The following CDKL1 variants were observed in gnomAD, a reference collection of about 807,000 sequenced individuals.
The protein encoded by CDKL1 is cyclin dependent kinase like 1.
In CDKL1, 41 loss-of-function variants were observed where a neutral mutation model predicts 42.0. The observed-to-expected ratio is 0.98, with a 90% CI of 0.76 to 1.27. The LOEUF (loss-of-function observed/expected upper bound fraction) is 1.27, where lower values mean the gene tolerates loss of function less well. Ranked by LOEUF, CDKL1 falls within the 50% of genes most tolerant of loss-of-function variation. The probability of loss-of-function intolerance (pLI) is 0.00; values close to 1 mark genes in which losing one functional copy is unlikely to be tolerated. For synonymous variants in CDKL1, 153 were observed against 158.6 expected, an observed-to-expected ratio of 0.96 and a Z score of 0.26; for missense variants, 394 against 428.4, an observed-to-expected ratio of 0.92 and a Z score of 0.71.
intron 3 of CDKL1, chr14:50,358,112 C>T (rs766214220): frequency 2.2e-6 from 3 of 1,360,400 alleles, no homozygotes; most frequent in Non-Finnish European, 2.9e-6. Context: ...CTCACCAAGT[C>T]TTCTTCCAGT....
At chr14:50,330,353 CT>C in intron 9 of CDKL1, 172 bp from the exon 10 acceptor site, 1 of 734,266 alleles carries the variant, frequency 1.4e-6, no homozygotes, top group Non-Finnish European at 2.0e-6. Flanking sequence ...TTGGCTTTTC[CT>C]TTTAAATGTT....
chr14:50,344,928 G>T lies in CDKL1; in HGVS notation c.363+58C>A, dbSNP rs562425224. 5.6e-5 allele frequency: 77 copies of T among 1,368,428 alleles called. 1 individual carries two copies. In the Admixed American group the frequency reaches 1.3e-3, roughly 24 times the overall value. The allele number at this position is 1,368,428 out of a possible 1,614,324, so 84.8% of individuals were successfully genotyped here. A position where few individuals can be genotyped will look rare whatever the true frequency, so the allele number is the denominator to read the frequency against. On this transcript the variant is annotated intron_variant, in intron 4 of 9. Coordinates refer to ENST00000395834, the MANE Select transcript of CDKL1 (RefSeq NM_004196.7). Reference sequence around the variant, plus strand: ...AAGTGTGACATAAACTTTGTACAAGGCTCCACCTCAGCTTAAGGGGAGCCT... The same window carrying T: ...AAGTGTGACATAAACTTTGTACAAGTCTCCACCTCAGCTTAAGGGGAGCCT...
intron 2 of CDKL1, among the ~76,000 whole-genome samples, chr14:50,370,766 A>G (rs1248809694): frequency 6.6e-6 from 1 of 152,148 alleles, no homozygotes; most frequent in African/African-American, 2.4e-5. Context: ...CAAGGGAGAG[A>G]GAGGGAATTG....
At chr14:50,380,283 G>C (rs1173564880) in intron 2 of CDKL1, 1 of 520,570 alleles carries the variant, frequency 1.9e-6, no homozygotes, top group Non-Finnish European at 3.9e-6. Context: ...AAAGACTTAG[G>C]AATGCAGAGG....
intron 2 of CDKL1, among the ~76,000 whole-genome samples, chr14:50,361,362 G>A (rs1420411116): frequency 6.6e-6 from 1 of 152,160 alleles, no homozygotes; most frequent in Non-Finnish European, 1.5e-5. Flanking sequence ...TGATGAACAA[G>A]TATAAAAAAT....
chr14:50,334,697 A>C, intron 7 of CDKL1, 76 bp from the exon 8 acceptor site: 1 of 953,234 alleles, frequency 1.0e-6, no homozygotes, highest in Non-Finnish European at 1.7e-6. Context: ...ATCTTTTGAT[A>C]GAAACATTTT....
chr14:50,363,196 C>T lies in CDKL1; in HGVS notation c.169-4047G>A, dbSNP rs559710792. 6.4e-5 allele frequency: 14 copies of T among 218,594 alleles called. 1 individual carries two copies. Among genetic ancestry groups the T allele is most frequent in the African/African-American group, 2.0e-4 (9 of 44,260 alleles). 13.5% of individuals were successfully genotyped at this position (218,594 alleles called of 1,614,324 possible). A position where few individuals can be genotyped will look rare whatever the true frequency, so the allele number is the denominator to read the frequency against. Reference sequence around the variant, plus strand: ...CAGAAGGAACAAACTCCGGACACGCCGCCTTTAAGAAGTGTAACACTCACC... The same window carrying T: ...CAGAAGGAACAAACTCCGGACACGCTGCCTTTAAGAAGTGTAACACTCACC... On this transcript the variant is annotated intron_variant, in intron 2 of 9. Transcript: ENST00000395834.
At chr14:50,397,078 C>T (rs2035436388), upstream of CDKL1, 1 of 1,343,192 alleles carries the variant, frequency 7.4e-7, no homozygotes, top group Non-Finnish European at 9.9e-7. Flanking sequence ...GTCCTGCTGC[C>T]GGGAGAGCAG....
At chr14:50,354,190 A>T (rs2033988553) in intron 3 of CDKL1, among the ~76,000 whole-genome samples, 1 of 152,194 alleles carries the variant, frequency 6.6e-6, no homozygotes, top group Middle Eastern at 3.4e-3. Context: ...CCTGACCTTA[A>T]GTGATCCGCC....
At chr14:50,330,862 GA>G (rs1408098805) in intron 9 of CDKL1, 2 of 152,140 alleles carry the variant, frequency 1.3e-5, no homozygotes, top group African/African-American at 4.8e-5. Flanking sequence ...TTACTTTCTA[GA>G]AAAAAATTTT....
At chr14:50,362,225 G>GC (rs2034281028) in intron 2 of CDKL1, 2 of 317,902 alleles carry the variant, frequency 6.3e-6, no homozygotes, top group Admixed American at 4.1e-5. Flanking sequence ...GATCAGAACC[G>GC]CCCCCTGCTC....
At chr14:50,383,171 T>TGCCTCGTGATCCAC (rs2034971032) in intron 2 of CDKL1, among the ~76,000 whole-genome samples, 2 of 151,714 alleles carry the variant, frequency 1.3e-5, no homozygotes, top group African/African-American at 4.8e-5. Flanking sequence ...TCGTGATCCA[T>TGCCTCGTGATCCAC]CTGCCTCGGC....
At position 50,327,394 on chromosome 14, in the gene CDKL1, A is replaced by G. The variant is rs904271608; in HGVS notation, c.*2680T>C. 2 of 150,822 alleles carry G rather than the reference A, an allele frequency of 1.3e-5. No homozygotes were observed. The highest frequency in any genetic ancestry group is 6.6e-5 in the Admixed American group (1 of 15,156). 9.3% of individuals were successfully genotyped at this position (150,822 alleles called of 1,614,324 possible). A position where few individuals can be genotyped will look rare whatever the true frequency, so the allele number is the denominator to read the frequency against. The stretch of plus-strand genomic sequence containing the variant: ...AGGTCTTCATTGTTACCTGTGAGAA[A>G]TGGCCCTGATTCTATTACTCTTATA... On this transcript the variant is annotated 3_prime_UTR_variant, in exon 10 of 10. Coordinates refer to ENST00000395834, the MANE Select transcript of CDKL1 (RefSeq NM_004196.7).
chr14:50,369,639 TA>T (rs2034535111), intron 2 of CDKL1, among the ~76,000 whole-genome samples: 1 of 150,390 alleles, frequency 6.6e-6, no homozygotes, highest in Non-Finnish European at 1.5e-5. Flanking sequence ...CACACACATA[TA>T]TATATAGTTG....
intron 2 of CDKL1, among the ~76,000 whole-genome samples, chr14:50,378,604 G>A (rs906126748): frequency 2.6e-5 from 4 of 151,980 alleles, no homozygotes; most frequent in Non-Finnish European, 4.4e-5. Context: ...CATGATCATC[G>A]CTCCCTGCAG....
intron 2 of CDKL1, among the ~76,000 whole-genome samples, chr14:50,380,702 T>C (rs926351833): frequency 6.6e-6 from 1 of 152,128 alleles, no homozygotes; most frequent in Non-Finnish European, 1.5e-5. Context: ...GGCTGTCCAG[T>C]TAAGATATGT....
At chr14:50,392,195 T>C (rs888310986) in intron 2 of CDKL1, among the ~76,000 whole-genome samples, 3 of 152,154 alleles carry the variant, frequency 2.0e-5, no homozygotes, top group Non-Finnish European at 2.9e-5. Flanking sequence ...CCCATAATCC[T>C]AGCACTTTGG....
At chr14:50,339,194 T>C (rs531940212) in intron 6 of CDKL1, among the ~76,000 whole-genome samples, 165 bp from the exon 7 acceptor site, 1 of 152,212 alleles carries the variant, frequency 6.6e-6, no homozygotes, top group East Asian at 1.9e-4. Flanking sequence ...CAACCTGTAT[T>C]GATCCCTACG....
chr14:50,390,434 C>T (rs753495223), intron 2 of CDKL1: 2 of 1,309,098 alleles, frequency 1.5e-6, no homozygotes, highest in Non-Finnish European at 2.0e-6. Context: ...GAAGGTTCAG[C>T]AGCATAGGGG....
Sources: allele counts gnomAD v4.1 joint callset (sites outside exome capture counted in the v4.1 genomes callset), GRCh38; gene constraint gnomAD v4.1.1; transcripts MANE v1.5; gene names NCBI Gene and HGNC (gene_info 2026-07-23, HGNC 2026-07-21).